The following CDH12 variants were observed in gnomAD, a reference collection of about 807,000 sequenced individuals.
CDH12 encodes the protein cadherin 12, also known as cadherin-12.
A neutral mutation model predicts 74.1 loss-of-function variants in CDH12; 41 were observed. The observed-to-expected ratio is 0.55, with a 90% CI of 0.43 to 0.72. The LOEUF is 0.72. Ranked by LOEUF, CDH12 falls within the 30% of genes least tolerant of loss-of-function variation. The pLI is 0.00. For synonymous variants in CDH12, 399 were observed against 355.0 expected (o/e 1.12, Z -1.39); for missense variants, 945 against 977.2 (o/e 0.97, Z 0.44).
chr5:22,722,679 A>T (rs574891606), intron 1 of CDH12, among the ~76,000 whole-genome samples: 128 of 152,358 alleles, frequency 8.4e-4, no homozygotes, highest in Non-Finnish European at 1.4e-3. Context: ...ACATAGTTGC[A>T]GCCTTCAGCT....
At chr5:22,574,307 T>C (rs975264100) in intron 1 of CDH12, among the ~76,000 whole-genome samples, 1 of 152,078 alleles carries the variant, frequency 6.6e-6, no homozygotes, top group South Asian at 2.1e-4. Context: ...CTCGAACTCC[T>C]GACCTACTGA....
At chr5:22,463,629 T>C (rs1745607710) in intron 2 of CDH12, among the ~76,000 whole-genome samples, 1 of 152,130 alleles carries the variant, frequency 6.6e-6, no homozygotes, top group Non-Finnish European at 1.5e-5. Flanking sequence ...AAGGTTGTAA[T>C]ACCCTCTCAT....
At chr5:22,806,859 A>C (rs944979639) in intron 1 of CDH12, among the ~76,000 whole-genome samples, 4 of 151,998 alleles carry the variant, frequency 2.6e-5, no homozygotes, top group Non-Finnish European at 1.5e-5. Flanking sequence ...TTATTTGTAG[A>C]TTCTGGATAT....
At chr5:22,024,535 CAG>C (rs1738217158) in intron 5 of CDH12, among the ~76,000 whole-genome samples, 1 of 152,060 alleles carries the variant, frequency 6.6e-6, no homozygotes, top group East Asian at 1.9e-4. Flanking sequence ...ATTTTTGATA[CAG>C]AGTCTCACTC....
At position 22,692,238 on chromosome 5, in the gene CDH12, C is replaced by A. The variant is rs1303481959; in HGVS notation, c.-523+160820G>T. On this transcript the variant is annotated intron_variant, in intron 1 of 14. Coordinates refer to ENST00000382254, the MANE Select transcript of CDH12 (RefSeq NM_004061.5). ...AACTGAAGCAGTCTGGGGCCCTTAACAGATGCAGATGGTGGTGTCCGGGCT... is the reference window on the plus strand; with the variant it reads ...AACTGAAGCAGTCTGGGGCCCTTAAAAGATGCAGATGGTGGTGTCCGGGCT... Among the ~76,000 whole-genome samples, 3 of 152,174 alleles carry A rather than the reference C, an allele frequency of 2.0e-5. No homozygotes were observed. The East Asian group carries it at 5.8e-4, about 29-fold the overall frequency.
chr5:21,963,035 C>T (rs549833388), intron 6 of CDH12, among the ~76,000 whole-genome samples: 7 of 151,994 alleles, frequency 4.6e-5, no homozygotes, highest in East Asian at 1.9e-4. Context: ...AAATTTCAGC[C>T]GCTTCAGCAG....
chr5:22,814,109 T>C (rs1749276621), intron 1 of CDH12, among the ~76,000 whole-genome samples: 3 of 152,214 alleles, frequency 2.0e-5, no homozygotes, highest in Non-Finnish European at 4.4e-5. Context: ...TGAGTATTTG[T>C]TGATTTAGTC....
At position 21,802,415 on chromosome 5, in the gene CDH12, T is replaced by G; in HGVS notation, c.1008A>C (p.Leu336Phe). The G allele has an allele frequency of 3.1e-6, 5 of 1,612,960 alleles. No homozygotes were observed. Among genetic ancestry groups the G allele is most frequent in the Non-Finnish European group, 4.2e-6 (5 of 1,179,108 alleles). The change falls in exon 10 of 15, where the codon TTA becomes TTC. Residue 336 changes from leucine to phenylalanine, a missense_variant. Leu to Phe is a conservative substitution (Grantham distance 22). Transcript: ENST00000382254. ...TGTATGCCTTCTTTGTTTCAAAATC[T>G]AAAGGCTGTAGTGAGGACAAATTAA... ...QEGVIKLKKP[L>F]DFETKKAYTF...
chr5:22,683,578 T>C (rs1193463022), intron 1 of CDH12, among the ~76,000 whole-genome samples: 1 of 152,156 alleles, frequency 6.6e-6, no homozygotes. Flanking sequence ...TGCAACACAT[T>C]TTTTTCTGCA....
chr5:22,431,239 C>T (rs896625444), intron 2 of CDH12, among the ~76,000 whole-genome samples: 2 of 152,166 alleles, frequency 1.3e-5, no homozygotes, highest in South Asian at 2.1e-4. Flanking sequence ...TATGGTCGTA[C>T]TCCCCATACT....
intron 3 of CDH12, among the ~76,000 whole-genome samples, chr5:22,382,408 G>C (rs946280239): frequency 3.3e-5 from 5 of 151,600 alleles, no homozygotes; most frequent in Non-Finnish European, 5.9e-5. Flanking sequence ...GAGGCACCCA[G>C]TGTCACAAGT....
chr5:22,620,340 TAAAG>T (rs1288382077), intron 1 of CDH12, among the ~76,000 whole-genome samples: 1 of 151,812 alleles, frequency 6.6e-6, no homozygotes, highest in East Asian at 1.9e-4. Context: ...GAAGGGAAAA[TAAAG>T]AGAGTTGGTG....
intron 2 of CDH12, among the ~76,000 whole-genome samples, chr5:22,412,361 T>C (rs1023909816): frequency 1.1e-4 from 17 of 151,988 alleles, no homozygotes; most frequent in Non-Finnish European, 2.1e-4. Flanking sequence ...AAATGTTTCA[T>C]GTCTTTCGGT....
intron 3 of CDH12, among the ~76,000 whole-genome samples, chr5:22,320,689 C>T (rs1207079454): frequency 1.3e-5 from 2 of 152,192 alleles, no homozygotes; most frequent in Non-Finnish European, 2.9e-5. Flanking sequence ...CACATGAGAT[C>T]GTTTGCTTTT....
chr5:22,457,237 G>T (rs1293549753), intron 2 of CDH12, among the ~76,000 whole-genome samples: 1 of 152,022 alleles, frequency 6.6e-6, no homozygotes, highest in Non-Finnish European at 1.5e-5. Flanking sequence ...CTACAAACTG[G>T]GTGGATCACA....
intron 5 of CDH12, among the ~76,000 whole-genome samples, chr5:22,027,019 C>A (rs1051349712): frequency 6.6e-6 from 1 of 152,132 alleles, no homozygotes; most frequent in African/African-American, 2.4e-5. Context: ...GAGTTTTTAG[C>A]ATGAAGGTCG....
intron 4 of CDH12, among the ~76,000 whole-genome samples, chr5:22,167,368 T>G (rs7379501): frequency 0.98 from 149,462 of 152,262 alleles, 73,405 homozygotes; most frequent in South Asian, 1. Context: ...ATGACCTTAC[T>G]CTGCCAAACC....
intron 5 of CDH12, among the ~76,000 whole-genome samples, chr5:22,062,403 CA>C (rs1741254294): frequency 6.6e-6 from 1 of 151,960 alleles, no homozygotes; most frequent in African/African-American, 2.4e-5. Context: ...TAATCATATT[CA>C]AAAATGACTA....
rs555340242 is a variant in CDH12 at position 22,254,448 on chromosome 5, C to T, written c.-332-41805G>A. On this transcript the variant is annotated intron_variant, in intron 3 of 14. Transcript: ENST00000382254. ...CACATCAGAAGATGACCAAGAAAAA[C>T]ATCAACAATTCCACTAGATTTGAGT... is the stretch of plus-strand genomic sequence containing the variant. 2.0e-5 allele frequency among the ~76,000 whole-genome samples: 3 copies of T among 151,832 alleles called. No individual in the cohort carries two copies. In the East Asian group the frequency reaches 5.8e-4, roughly 29 times the overall value.
Sources: allele counts gnomAD v4.1 joint callset (sites outside exome capture counted in the v4.1 genomes callset), GRCh38; gene constraint gnomAD v4.1.1; transcripts MANE v1.5; gene names NCBI Gene and HGNC (gene_info 2026-07-23, HGNC 2026-07-21).